WWP1: variants seen among roughly 807,000 people sequenced by gnomAD.
WWP1 encodes the protein NEDD4-like E3 ubiquitin-protein ligase WWP1.
In WWP1, 49 loss-of-function variants were observed where a neutral mutation model predicts 130.6. That is an observed-to-expected ratio of 0.38 (90% CI 0.30 to 0.48). The LOEUF (loss-of-function observed/expected upper bound fraction) is 0.48. Ranked by LOEUF, WWP1 falls within the 20% of genes least tolerant of loss-of-function variation. The probability of loss-of-function intolerance (pLI) is 0.99; values close to 1 mark genes in which losing one functional copy is unlikely to be tolerated. For synonymous variants in WWP1, 332 were observed against 367.8 expected (o/e 0.90, Z 1.11); for missense variants, 809 against 1,100.6 (o/e 0.74, Z 3.75).
At chr8:86,425,856 T>G (rs1809593253) in intron 10 of WWP1, among the ~76,000 whole-genome samples, 1 of 152,096 alleles carries the variant, frequency 6.6e-6, no homozygotes, top group Non-Finnish European at 1.5e-5. Flanking sequence ...CACAAACGAG[T>G]CTTCCTTTAC....
At chr8:86,451,043 C>T (rs1266302704) in intron 20 of WWP1, among the ~76,000 whole-genome samples, 2 of 150,738 alleles carry the variant, frequency 1.3e-5, no homozygotes, top group African/African-American at 4.9e-5. Flanking sequence ...AAAACCTCAT[C>T]TCTACAAAAA....
At chr8:86,420,217 T>G (rs1809123800) in intron 9 of WWP1, among the ~76,000 whole-genome samples, 1 of 152,128 alleles carries the variant, frequency 6.6e-6, no homozygotes, top group Non-Finnish European at 1.5e-5. Flanking sequence ...CAGCACTCAC[T>G]CTAGACTAGA....
intron 1 of WWP1, among the ~76,000 whole-genome samples, chr8:86,365,283 A>T (rs953057568): frequency 1.3e-5 from 2 of 152,218 alleles, no homozygotes; most frequent in African/African-American, 4.8e-5. Context: ...CTAAAGGGCC[A>T]TATATTGTGC....
At chr8:86,460,808 T>G in intron 22 of WWP1, among the ~76,000 whole-genome samples, 1 of 74,776 alleles carries the variant, frequency 1.3e-5, no homozygotes, top group Non-Finnish European at 2.4e-5. Context: ...TTTTTTTTTT[T>G]TTTTTTTTTT....
chr8:86,343,411 C>G (rs887003574), intron 1 of WWP1: 1 of 152,218 alleles, frequency 6.6e-6, no homozygotes, highest in Non-Finnish European at 1.5e-5. Flanking sequence ...TTCACCGACT[C>G]TGCAGCTCCC....
intron 21 of WWP1, among the ~76,000 whole-genome samples, chr8:86,453,076 A>G (rs1392223664): frequency 1.1e-4 from 17 of 152,182 alleles, no homozygotes; most frequent in Admixed American, 1.1e-3. Context: ...TATATCTTAA[A>G]ATATACCATC....
intron 1 of WWP1, among the ~76,000 whole-genome samples, chr8:86,345,505 G>T (rs932183541): frequency 6.6e-6 from 1 of 152,112 alleles, no homozygotes; most frequent in Non-Finnish European, 1.5e-5. Context: ...CGCCTCCCAG[G>T]CTCAAGAGAT....
intron 4 of WWP1, among the ~76,000 whole-genome samples, chr8:86,381,078 C>CCATATAGA (rs78292648): frequency 0.43 from 65,626 of 151,170 alleles, 15,198 homozygotes; most frequent in Non-Finnish European, 0.53. Context: ...CAAATTATTT[C>CCATATAGA]CATTTTCTCT....
At chr8:86,443,839 G>A (rs1810719840) in intron 18 of WWP1, among the ~76,000 whole-genome samples, 1 of 152,190 alleles carries the variant, frequency 6.6e-6, no homozygotes, top group Non-Finnish European at 1.5e-5. Flanking sequence ...TAATGTGGGA[G>A]TGCATTCTTG....
intron 2 of WWP1, among the ~76,000 whole-genome samples, chr8:86,370,419 T>G (rs1471750104): frequency 6.6e-6 from 1 of 152,214 alleles, no homozygotes; most frequent in Non-Finnish European, 1.5e-5. Flanking sequence ...ACTAGTTTCT[T>G]TATTGTGTGC....
chr8:86,392,773 CAG>C (rs57032756), intron 5 of WWP1, among the ~76,000 whole-genome samples: 47,827 of 151,980 alleles, frequency 0.31, 9,094 homozygotes, highest in Middle Eastern at 0.45. Context: ...AACACAAACT[CAG>C]ATATTTTGAA....
intron 18 of WWP1, among the ~76,000 whole-genome samples, chr8:86,445,983 T>TC (rs1563540957): frequency 3.7e-5 from 5 of 133,426 alleles, no homozygotes; most frequent in African/African-American, 1.4e-4. Context: ...TTTCTTTTTT[T>TC]TTTTTTTTTT....
chr8:86,368,847 T>A (rs1051378160), intron 1 of WWP1, 92 bp from the exon 2 acceptor site: 1 of 152,216 alleles, frequency 6.6e-6, no homozygotes, highest in Non-Finnish European at 1.5e-5. Context: ...GGCTGGATTA[T>A]CTACTTTCTC....
At position 86,460,790 on chromosome 8, in the gene WWP1, C is replaced by CTTTTTTTTTTTTTT. The variant is rs59506795; in HGVS notation, c.2500-410_2500-397dup. Reference sequence around the variant, plus strand: ...ACCCTACAACCTCTTTTTAGCACATCTTTTTTTTTTTTTTTTTTTTTTTTT... The same window carrying CTTTTTTTTTTTTTT: ...ACCCTACAACCTCTTTTTAGCACATCTTTTTTTTTTTTTTTTTTTTTTTTTTTTTTTTTTTTTTT... On this transcript the variant is annotated intron_variant, in intron 22 of 24. Transcript: ENST00000517970. Among the ~76,000 whole-genome samples, 9 of 62,404 alleles carry CTTTTTTTTTTTTTT rather than the reference C, an allele frequency of 1.4e-4. 2 individuals carry two copies. The highest frequency in any genetic ancestry group is 2.9e-4 in the Non-Finnish European group (9 of 31,008). The allele number at this position is 62,404 out of a possible 152,430, so 40.9% of individuals were successfully genotyped here. A position where few individuals can be genotyped will look rare whatever the true frequency, so the allele number is the denominator to read the frequency against.
intron 5 of WWP1, among the ~76,000 whole-genome samples, chr8:86,389,902 G>T (rs575632400): frequency 4.1e-4 from 62 of 151,940 alleles, no homozygotes; most frequent in African/African-American, 1.4e-3. Context: ...CCTGGACGGG[G>T]CGGCTGCCGG....
chr8:86,431,826 C>A, intron 14 of WWP1, 83 bp downstream of exon 14: 2 of 1,562,558 alleles, frequency 1.3e-6, no homozygotes, highest in Non-Finnish European at 1.7e-6. Flanking sequence ...TCAAGTTTAG[C>A]AAAACATTTT....
rs867815687 is a variant in WWP1 at position 86,398,164 on chromosome 8, T to C, written c.335-178T>C. Among the ~76,000 whole-genome samples, 7 of 152,278 alleles carry C rather than the reference T, an allele frequency of 4.6e-5. No homozygotes were observed. In the South Asian group the frequency reaches 6.2e-4, roughly 14 times the overall value. On this transcript the variant is annotated intron_variant, in intron 5 of 24. Transcript: ENST00000517970. ...TGCACAGAAGCAATTAAAGGTGATA[T>C]TGAAAGCGTGGGATTGAGGGGGAAA...
chr8:86,402,037 G>T lies in WWP1; in HGVS notation c.558G>T (p.Thr186=), dbSNP rs1487307636. The change falls in exon 8 of 25, where the codon ACG becomes ACT. Residue 186 remains threonine, a synonymous_variant. Coordinates refer to ENST00000517970, the MANE Select transcript of WWP1 (RefSeq NM_007013.4). ...TTTCAAGGTTGGCTGTTGAAGGCAC[G>T]AATGGAATAGATAATCATGTACCTA... ...RTTARLAVEG[T]NGIDNHVPTS... is the part of the protein sequence containing the mutation. 1 of 1,586,234 alleles carries T rather than the reference G, an allele frequency of 6.3e-7. No homozygotes were observed. Among genetic ancestry groups the T allele is most frequent in the African/African-American group, 1.4e-5 (1 of 73,456 alleles).
intron 21 of WWP1, among the ~76,000 whole-genome samples, chr8:86,455,099 C>T (rs1455813112): frequency 1.3e-5 from 2 of 152,004 alleles, no homozygotes; most frequent in Admixed American, 6.6e-5. Context: ...AGGTTAACAT[C>T]TGTTTAATGC....
Sources: allele counts gnomAD v4.1 joint callset (sites outside exome capture counted in the v4.1 genomes callset), GRCh38; gene constraint gnomAD v4.1.1; transcripts MANE v1.5; gene names NCBI Gene and HGNC (gene_info 2026-07-23, HGNC 2026-07-21).